DLGAP2: variants seen among roughly 807,000 people sequenced by gnomAD.
The protein encoded by DLGAP2 is DLG associated protein 2.
Under a neutral mutation model 100.3 loss-of-function variants are expected in DLGAP2, and 26 were observed. The ratio of observed to expected loss-of-function variants is 0.26; its 90% CI spans 0.19 to 0.36. The LOEUF (loss-of-function observed/expected upper bound fraction) is 0.36, where lower values mean the gene tolerates loss of function less well. Among genes scored for constraint, DLGAP2 ranks in the 10% least tolerant of loss-of-function variants. DLGAP2 has a pLI of 1.00. For synonymous variants in DLGAP2, 886 were observed against 630.1 expected (o/e 1.41, Z -6.08); for missense variants, 1,858 against 1,453.2 (o/e 1.28, Z -4.53).
chr8:964,572 C>T (rs193062060), intron 2 of DLGAP2, among the ~76,000 whole-genome samples: 120 of 152,354 alleles, frequency 7.9e-4, no homozygotes, highest in Middle Eastern at 3.4e-3. Flanking sequence ...TGGTATCTGC[C>T]GTGTTCCCCA....
intron 3 of DLGAP2, among the ~76,000 whole-genome samples, chr8:1,314,658 G>T (rs1387028490): frequency 6.6e-6 from 1 of 152,172 alleles, no homozygotes; most frequent in East Asian, 1.9e-4. Flanking sequence ...GTGTAAGGAG[G>T]GTCTGTCCGC....
intron 6 of DLGAP2, among the ~76,000 whole-genome samples, chr8:1,609,649 C>T (rs999748058): frequency 3.5e-5 from 4 of 115,256 alleles, no homozygotes; most frequent in Admixed American, 3.0e-4. Context: ...ACCCATCTCA[C>T]GTGCAGAGAC....
In DLGAP2 at chr8:1,450,413, CT is replaced by C. The variant is rs1798119429; in HGVS notation, c.107-50952del. Among the ~76,000 whole-genome samples, 4 of 135,126 alleles carry C rather than the reference CT, an allele frequency of 3.0e-5. 1 individual carries two copies. Among genetic ancestry groups the C allele is most frequent in the East Asian group, 2.1e-4 (1 of 4,864 alleles). 88.6% of individuals were successfully genotyped at this position (135,126 alleles called of 152,430 possible). A position where few individuals can be genotyped will look rare whatever the true frequency, so the allele number is the denominator to read the frequency against. ...AGGTGGGCGGCCTCGGTGGCTGAGG[CT>C]GAGCTGTGAGGGTGAAGACGAGGTG... On this transcript the variant is annotated intron_variant, in intron 3 of 14. Coordinates refer to ENST00000637795, the MANE Select transcript of DLGAP2 (RefSeq NM_001346810.2).
intron 2 of DLGAP2, among the ~76,000 whole-genome samples, chr8:1,197,106 C>A (rs1294210020): frequency 6.6e-6 from 1 of 152,134 alleles, no homozygotes. Context: ...TCTTCCTGGG[C>A]CCTCAGTGGA....
intron 1 of DLGAP2, chr8:822,027 C>T (rs1029230098): frequency 1.0e-5 from 4 of 397,454 alleles, no homozygotes; most frequent in Middle Eastern, 6.2e-4. Flanking sequence ...CATTTTTTTC[C>T]CCATAGGGGA....
intron 3 of DLGAP2, among the ~76,000 whole-genome samples, chr8:1,284,594 A>G (rs1026391174): frequency 1.3e-5 from 2 of 151,796 alleles, no homozygotes; most frequent in African/African-American, 2.4e-5. Context: ...ATCACAACAC[A>G]TTTTTCCTAT....
intron 8 of DLGAP2, among the ~76,000 whole-genome samples, chr8:1,659,990 C>A (rs977921678): frequency 6.6e-6 from 1 of 152,114 alleles, no homozygotes; most frequent in Non-Finnish European, 1.5e-5. Flanking sequence ...CCAGTTTTTC[C>A]TTTCCATGTT....
At chr8:1,656,975 C>T (rs574623830) in intron 8 of DLGAP2, among the ~76,000 whole-genome samples, 1 of 152,086 alleles carries the variant, frequency 6.6e-6, no homozygotes, top group African/African-American at 2.4e-5. Flanking sequence ...ATCTATTTCC[C>T]TGTAATTTGG....
At chr8:779,080 G>T (rs193054382) in intron 1 of DLGAP2, among the ~76,000 whole-genome samples, 49 of 152,356 alleles carry the variant, frequency 3.2e-4, no homozygotes, top group South Asian at 4.1e-4. Context: ...AGCGCAGTAT[G>T]CGGGTGGGAG....
intron 1 of DLGAP2, among the ~76,000 whole-genome samples, chr8:805,794 G>A (rs1043222217): frequency 6.6e-6 from 1 of 152,142 alleles, no homozygotes; most frequent in Admixed American, 6.5e-5. Context: ...AAAGCGCAGG[G>A]ATTACATGCG....
intron 1 of DLGAP2, among the ~76,000 whole-genome samples, chr8:818,219 T>TA (rs1234894057): frequency 6.6e-6 from 1 of 152,088 alleles, no homozygotes; most frequent in Non-Finnish European, 1.5e-5. Flanking sequence ...CCAATGAAGT[T>TA]ATATTCCCAG....
At chr8:1,422,744 AT>A (rs150814954) in intron 3 of DLGAP2, among the ~76,000 whole-genome samples, 12,708 of 151,930 alleles carry the variant, frequency 0.084, 885 homozygotes, top group East Asian at 0.36. Context: ...ACCAGCCAGG[AT>A]TGGGGGTGGG....
At chr8:1,561,475 G>T (rs1436887575) in intron 5 of DLGAP2, among the ~76,000 whole-genome samples, 7 of 152,100 alleles carry the variant, frequency 4.6e-5, no homozygotes, top group Non-Finnish European at 1.0e-4. Context: ...CTGAGCCTTT[G>T]GGCCTCTTGG....
intron 1 of DLGAP2, among the ~76,000 whole-genome samples, chr8:759,403 C>T (rs543320145): frequency 1.3e-5 from 2 of 152,200 alleles, no homozygotes; most frequent in South Asian, 4.2e-4. Context: ...CGTGGCTCCC[C>T]CTGGGCTGCA....
At chr8:867,501 G>C (rs953547066) in intron 1 of DLGAP2, among the ~76,000 whole-genome samples, 4 of 152,156 alleles carry the variant, frequency 2.6e-5, no homozygotes, top group African/African-American at 9.7e-5. Context: ...AGAACAAAAG[G>C]GGAACAGTGT....
chr8:1,064,712 A>G (rs1803192145), intron 2 of DLGAP2, among the ~76,000 whole-genome samples: 1 of 152,240 alleles, frequency 6.6e-6, no homozygotes, highest in Non-Finnish European at 1.5e-5. Flanking sequence ...TAGTCAACAC[A>G]TAAAAATTAA....
chr8:770,116 C>A (rs540955011), intron 1 of DLGAP2, among the ~76,000 whole-genome samples: 1 of 152,152 alleles, frequency 6.6e-6, no homozygotes, highest in African/African-American at 2.4e-5. Flanking sequence ...AGGTTTTGTA[C>A]GTTTTTATAA....
At chr8:786,542 C>T (rs1420553902) in intron 1 of DLGAP2, among the ~76,000 whole-genome samples, 2 of 152,178 alleles carry the variant, frequency 1.3e-5, no homozygotes, top group Non-Finnish European at 2.9e-5. Context: ...AAAGGCACTG[C>T]GCGGCCACAG....
chr8:1,324,457 C>T (rs1800974954), intron 3 of DLGAP2, among the ~76,000 whole-genome samples: 1 of 152,160 alleles, frequency 6.6e-6, no homozygotes, highest in African/African-American at 2.4e-5. Context: ...GAAATTCTTC[C>T]ACAGCGTTCA....
Sources: allele counts gnomAD v4.1 joint callset (sites outside exome capture counted in the v4.1 genomes callset), GRCh38; gene constraint gnomAD v4.1.1; transcripts MANE v1.5; gene names NCBI Gene and HGNC (gene_info 2026-07-23, HGNC 2026-07-21).